CDK14: variants seen among roughly 807,000 people sequenced by gnomAD.
CDK14 encodes cyclin-dependent kinase 14.
Under a neutral mutation model 60.7 loss-of-function variants are expected in CDK14, and 34 were observed. That is an observed-to-expected ratio of 0.56 (90% CI 0.43 to 0.75). The LOEUF (loss-of-function observed/expected upper bound fraction) is 0.75. Ranked by LOEUF, CDK14 falls within the 30% of genes least tolerant of loss-of-function variation. The pLI is 0.00. For synonymous variants in CDK14, 197 were observed against 203.7 expected (o/e 0.97, Z 0.28); for missense variants, 482 against 564.1 (o/e 0.85, Z 1.47).
intron 9 of CDK14, among the ~76,000 whole-genome samples, chr7:90,956,212 G>A (rs1486288183): frequency 2.0e-5 from 3 of 152,104 alleles, no homozygotes; most frequent in South Asian, 2.1e-4. Flanking sequence ...GAAAATTTTG[G>A]TGTAACTGTT....
intron 12 of CDK14, among the ~76,000 whole-genome samples, chr7:91,093,328 G>T (rs1371054520): frequency 1.3e-5 from 2 of 152,146 alleles, no homozygotes; most frequent in Non-Finnish European, 2.9e-5. Context: ...AGGAAATCAA[G>T]ATGTATAAAA....
intron 5 of CDK14, 87 bp downstream of exon 5, chr7:90,790,739 G>C: frequency 1.3e-6 from 1 of 775,842 alleles, no homozygotes. Context: ...AATATGCTGA[G>C]TTTTAAAATT....
At chr7:90,872,991 A>C (rs1791423424) in intron 6 of CDK14, among the ~76,000 whole-genome samples, 1 of 152,214 alleles carries the variant, frequency 6.6e-6, no homozygotes, top group Admixed American at 6.5e-5. Flanking sequence ...AAAAGATAAA[A>C]CAGTAATAAA....
At chr7:91,199,319 T>A (rs1802645984) in intron 14 of CDK14, among the ~76,000 whole-genome samples, 1 of 151,692 alleles carries the variant, frequency 6.6e-6, no homozygotes, top group South Asian at 2.1e-4. Context: ...TATACAATAT[T>A]ATATGTTTTT....
chr7:91,189,829 A>T (rs576447010), intron 14 of CDK14, among the ~76,000 whole-genome samples: 1 of 152,324 alleles, frequency 6.6e-6, no homozygotes, highest in Non-Finnish European at 1.5e-5. Flanking sequence ...ATAGCGTAAG[A>T]GTTAACTGCC....
intron 2 of CDK14, among the ~76,000 whole-genome samples, chr7:90,706,883 A>T (rs1563051400): frequency 1.3e-5 from 2 of 152,112 alleles, no homozygotes; most frequent in African/African-American, 4.8e-5. Flanking sequence ...CAGCCCAGGG[A>T]TACAAAAGCC....
intron 10 of CDK14, among the ~76,000 whole-genome samples, chr7:91,013,485 G>A (rs989160196): frequency 1.3e-5 from 2 of 152,048 alleles, no homozygotes; most frequent in Admixed American, 6.6e-5. Context: ...ATCATCAAAG[G>A]AAACTACCAG....
At chr7:90,962,900 T>C (rs1794641450) in intron 9 of CDK14, among the ~76,000 whole-genome samples, 1 of 152,056 alleles carries the variant, frequency 6.6e-6, no homozygotes, top group Non-Finnish European at 1.5e-5. Context: ...TTGAGAACAG[T>C]GTTCTTATCA....
intron 2 of CDK14, among the ~76,000 whole-genome samples, chr7:90,698,105 T>C (rs950451955): frequency 7.4e-6 from 1 of 134,248 alleles, no homozygotes; most frequent in African/African-American, 2.8e-5. Flanking sequence ...AGAAAAAAAG[T>C]GTTGCATGGG....
rs146813250 is a variant in CDK14, at chr7:91,070,074, G to A, written c.1106-9358G>A. ...GGCCTCCCAAAATGCTGGGATTATA[G>A]CCATGAGCCACCACACCCAGCCTGT... On this transcript the variant is annotated intron_variant, in intron 11 of 14. Transcript: ENST00000380050. Among the ~76,000 whole-genome samples the A allele has an allele frequency of 4.8e-3, 734 of 152,270 alleles. 6 individuals carry two copies. Among genetic ancestry groups the A allele is most frequent in the African/African-American group, 0.017 (689 of 41,548 alleles).
intron 7 of CDK14, 130 bp from the exon 8 acceptor site, chr7:90,917,471 T>A: frequency 1.4e-6 from 1 of 722,058 alleles, no homozygotes; most frequent in Non-Finnish European, 2.2e-6. Context: ...TCTGTTGAAA[T>A]AATTTGGTAG....
chr7:91,009,034 C>T (rs1218194484), intron 10 of CDK14, among the ~76,000 whole-genome samples: 1 of 152,072 alleles, frequency 6.6e-6, no homozygotes, highest in African/African-American at 2.4e-5. Context: ...TGCTTCCATC[C>T]CCAAGCGACT....
At chr7:90,651,350 C>G (rs1800636031) in intron 2 of CDK14, among the ~76,000 whole-genome samples, 1 of 152,106 alleles carries the variant, frequency 6.6e-6, no homozygotes, top group Non-Finnish European at 1.5e-5. Flanking sequence ...CCCCATTCCC[C>G]CAGTTCCACT....
intron 11 of CDK14, among the ~76,000 whole-genome samples, chr7:91,054,088 ATTTTTTTT>A (rs10675646): frequency 1.8e-5 from 2 of 112,972 alleles, no homozygotes; most frequent in Non-Finnish European, 3.3e-5. Flanking sequence ...CTGCAAAATA[ATTTTTTTT>A]TTTTTTTTTT....
intron 14 of CDK14, among the ~76,000 whole-genome samples, chr7:91,179,889 AT>A (rs554330287): frequency 6.6e-6 from 1 of 152,312 alleles, no homozygotes; most frequent in African/African-American, 2.4e-5. Flanking sequence ...TACCAATATA[AT>A]TTTAATAATG....
At chr7:91,156,756 T>A (rs1341867435) in intron 14 of CDK14, among the ~76,000 whole-genome samples, 2 of 152,206 alleles carry the variant, frequency 1.3e-5, no homozygotes, top group East Asian at 3.9e-4. Flanking sequence ...GAGATTCCCA[T>A]CACATTCTCT....
At chr7:90,603,296 T>G (rs1342250818) in intron 1 of CDK14, among the ~76,000 whole-genome samples, 1 of 152,210 alleles carries the variant, frequency 6.6e-6, no homozygotes, top group Non-Finnish European at 1.5e-5. Context: ...AAATTCCAGT[T>G]CTAAAGCTAT....
intron 11 of CDK14, among the ~76,000 whole-genome samples, chr7:91,072,235 G>A (rs949911230): frequency 1.3e-5 from 2 of 152,132 alleles, no homozygotes; most frequent in East Asian, 3.9e-4. Flanking sequence ...TTAACGGGTT[G>A]TCAGACACCC....
chr7:90,792,977 T>G (rs1805896139), intron 5 of CDK14, among the ~76,000 whole-genome samples: 1 of 152,234 alleles, frequency 6.6e-6, no homozygotes, highest in Non-Finnish European at 1.5e-5. Context: ...AGAGAGAGTT[T>G]CTTTGTCCAT....
Sources: allele counts gnomAD v4.1 joint callset (sites outside exome capture counted in the v4.1 genomes callset), GRCh38; gene constraint gnomAD v4.1.1; transcripts MANE v1.5; gene names NCBI Gene and HGNC (gene_info 2026-07-23, HGNC 2026-07-21).